The following MAPK10 variants were observed in gnomAD, a reference collection of about 807,000 sequenced individuals.
MAPK10 encodes JNK3 alpha protein kinase.
A neutral mutation model predicts 59.3 loss-of-function variants in MAPK10; 25 were observed. The observed-to-expected ratio is 0.42, with a 90% confidence interval of 0.31 to 0.59. MAPK10 has a LOEUF of 0.59. MAPK10 is among the 20% of genes least tolerant of loss of function. The probability of loss-of-function intolerance (pLI) is 0.15; values close to 1 mark genes in which losing one functional copy is unlikely to be tolerated. For missense variants in MAPK10, 351 were observed against 568.9 expected (o/e 0.62, Z 3.90); for synonymous variants, 190 against 200.5 (o/e 0.95, Z 0.44).
At chr4:86,049,331 G>A (rs978705521) in intron 11 of MAPK10, among the ~76,000 whole-genome samples, 9 of 151,820 alleles carry the variant, frequency 5.9e-5, no homozygotes, top group East Asian at 1.9e-4. Flanking sequence ...ATAATAAGGC[G>A]TTACCATTGC....
At chr4:86,308,209 G>A (rs2095605026) in intron 2 of MAPK10, among the ~76,000 whole-genome samples, 1 of 152,148 alleles carries the variant, frequency 6.6e-6, no homozygotes, top group Admixed American at 6.6e-5. Context: ...TTTGAAAATA[G>A]AGAGTAGGTG....
chr4:86,146,753 C>T (rs1021239459), intron 4 of MAPK10, among the ~76,000 whole-genome samples: 8 of 152,194 alleles, frequency 5.3e-5, no homozygotes, highest in African/African-American at 1.9e-4. Context: ...ATGAGAAGAA[C>T]ACTTCTATTA....
At chr4:86,548,826 T>C (rs1159264363) in intron 1 of MAPK10, among the ~76,000 whole-genome samples, 1 of 152,166 alleles carries the variant, frequency 6.6e-6, no homozygotes, top group Admixed American at 6.5e-5. Context: ...ATAAGACAGC[T>C]TAGAAGGACA....
intron 1 of MAPK10, among the ~76,000 whole-genome samples, chr4:86,398,760 C>G (rs1743303178): frequency 6.6e-6 from 1 of 152,168 alleles, no homozygotes. Context: ...GCGTCCCTCT[C>G]TTCCTCCCTG....
chr4:86,339,887 T>C (rs1335899631), intron 2 of MAPK10, among the ~76,000 whole-genome samples: 2 of 152,260 alleles, frequency 1.3e-5, no homozygotes, highest in African/African-American at 4.8e-5. Flanking sequence ...TTATGCTAAG[T>C]GCTTCCCATT....
intron 1 of MAPK10, among the ~76,000 whole-genome samples, chr4:86,429,303 T>C (rs1747723340): frequency 6.6e-6 from 1 of 152,190 alleles, no homozygotes; most frequent in African/African-American, 2.4e-5. Context: ...AAGATAATTC[T>C]TATCTGCCTT....
intron 2 of MAPK10, among the ~76,000 whole-genome samples, chr4:86,214,526 A>AC (rs1346715021): frequency 2.7e-4 from 38 of 140,156 alleles, no homozygotes; most frequent in African/African-American, 1.1e-3. Context: ...AAAAAAAAAA[A>AC]AAAAAAAAAC....
intron 4 of MAPK10, chr4:86,125,666 G>A (rs1222711057): frequency 6.6e-6 from 1 of 151,958 alleles, no homozygotes; most frequent in Non-Finnish European, 1.5e-5. Context: ...AAAATTTAAA[G>A]TATTATTTAT....
intron 4 of MAPK10, chr4:86,123,699 T>G (rs1001875553): frequency 6.6e-6 from 1 of 152,154 alleles, no homozygotes; most frequent in East Asian, 1.9e-4. Context: ...TGCAAATAAA[T>G]TACCAGTAAG....
intron 4 of MAPK10, among the ~76,000 whole-genome samples, chr4:86,116,880 T>A (rs2058369363): frequency 6.6e-6 from 1 of 152,232 alleles, no homozygotes; most frequent in Non-Finnish European, 1.5e-5. Flanking sequence ...TGATGGCTAT[T>A]ACTATTTTTA....
chr4:86,025,236 T>C (rs1749597660), intron 13 of MAPK10: 2 of 324,260 alleles, frequency 6.2e-6, no homozygotes, highest in Admixed American at 9.7e-5. Context: ...TCAATTCTTT[T>C]TTTAAATATA....
In MAPK10 at chr4:86,531,951, A is replaced by C. The variant is rs981246986; in HGVS notation, c.-263+61959T>G. Among the ~76,000 whole-genome samples the C allele has an allele frequency of 1.2e-4, 18 of 151,884 alleles. 1 individual carries two copies. On this transcript the variant is annotated intron_variant, in intron 1 of 4. Coordinates refer to the MAPK10 transcript ENST00000502302. The stretch of plus-strand genomic sequence containing the variant: ...CACCTGTAATCCCAGCTATTCAGGG[A>C]GCTGAGGTAGAAGGATTGCTTGAGA...
intron 1 of MAPK10, among the ~76,000 whole-genome samples, chr4:86,459,789 A>G (rs575330079): frequency 2.6e-5 from 4 of 152,274 alleles, no homozygotes; most frequent in African/African-American, 9.6e-5. Context: ...GGGGTGAGGG[A>G]TAAAAGATCA....
intron 11 of MAPK10, among the ~76,000 whole-genome samples, chr4:86,053,876 G>T (rs1038564605): frequency 6.6e-6 from 1 of 152,136 alleles, no homozygotes; most frequent in African/African-American, 2.4e-5. Flanking sequence ...GTATTTGGAA[G>T]AACCTGACAG....
intron 13 of MAPK10, chr4:86,024,122 C>G (rs2148903553): frequency 6.6e-6 from 1 of 151,906 alleles, no homozygotes; most frequent in Admixed American, 6.6e-5. Flanking sequence ...TTCTTATTGT[C>G]ACAATTAAAG....
At chr4:86,552,613 T>A (rs1759943513) in intron 1 of MAPK10, among the ~76,000 whole-genome samples, 1 of 152,040 alleles carries the variant, frequency 6.6e-6, no homozygotes, top group South Asian at 2.1e-4. Flanking sequence ...GGGGAGACAA[T>A]CCTCTGTGGG....
Position 86,418,222 on chromosome 4 carries a change from T to G in MAPK10, c.-122+34808A>C, listed in dbSNP as rs571334854. Among the ~76,000 whole-genome samples the G allele has an allele frequency of 2.6e-5, 4 of 152,350 alleles. No homozygotes were observed. The East Asian group carries it at 5.8e-4, about 22-fold the overall frequency. On this transcript the variant is annotated intron_variant, in intron 1 of 13. Coordinates refer to the MAPK10 transcript ENST00000361569. ...TTGATTTAACAGCATATTGAGAGCA[T>G]GTACCTAAGAAAAAACAAATGAGGT...
intron 9 of MAPK10, chr4:86,079,677 T>G (rs149158572): frequency 6.0e-4 from 91 of 152,178 alleles, no homozygotes; most frequent in African/African-American, 2.1e-3. Flanking sequence ...AAGAAGCTGA[T>G]ACAAACAGCC....
chr4:86,197,001 C>A (rs2081464570), intron 2 of MAPK10, among the ~76,000 whole-genome samples: 1 of 152,136 alleles, frequency 6.6e-6, no homozygotes, highest in African/African-American at 2.4e-5. Context: ...CATGATGCCT[C>A]CAGCATTGTT....
Sources: allele counts gnomAD v4.1 joint callset (sites outside exome capture counted in the v4.1 genomes callset), GRCh38; gene constraint gnomAD v4.1.1; transcripts MANE v1.5; gene names NCBI Gene and HGNC (gene_info 2026-07-23, HGNC 2026-07-21).